QSER1: variants seen among roughly 807,000 people sequenced by gnomAD.
QSER1 encodes glutamine and serine-rich protein 1.
A neutral mutation model predicts 158.5 loss-of-function variants in QSER1; 49 were observed. The ratio of observed to expected loss-of-function variants is 0.31; its 90% CI spans 0.25 to 0.39. The LOEUF (loss-of-function observed/expected upper bound fraction) is 0.39. Ranked by LOEUF, QSER1 falls within the 10% of genes least tolerant of loss-of-function variation. The pLI is 1.00. For missense variants in QSER1, 1,754 were observed against 2,010.3 expected, an observed-to-expected ratio of 0.87 and a Z score of 2.44; for synonymous variants, 650 against 715.5, an observed-to-expected ratio of 0.91 and a Z score of 1.46.
At position 32,906,900 on chromosome 11, in the gene QSER1, C is replaced by G. The variant is rs923654413; in HGVS notation, c.209+13566C>G. Among the ~76,000 whole-genome samples the G allele has an allele frequency of 3.9e-5, 6 of 152,144 alleles. No homozygotes were observed. In the East Asian group the frequency reaches 9.6e-4, roughly 24 times the overall value. Reference sequence around the variant, plus strand: ...AAAGCAAATTTCAGGCTATGTATCTCTTTCAACCATAGTATGAAAGAGAAC... The same window carrying G: ...AAAGCAAATTTCAGGCTATGTATCTGTTTCAACCATAGTATGAAAGAGAAC... On this transcript the variant is annotated intron_variant, in intron 1 of 12. Coordinates refer to ENST00000650167, the MANE Select transcript of QSER1 (RefSeq NM_001076786.3).
In QSER1 at chr11:32,933,317, T is replaced by G; in HGVS notation, c.2059T>G (p.Ser687Ala). 1 of 1,610,766 alleles carries G rather than the reference T, an allele frequency of 6.2e-7. No homozygotes were observed. The highest frequency in any genetic ancestry group is 8.5e-7 in the Non-Finnish European group (1 of 1,178,920). ...GCTTGACTCAGATGTGTATCCATCT[T>G]CAAAGCAAGAAGATGGTTTTCCAAT... The part of the protein sequence containing the change: ...RKLDSDVYPS[S>A]KQEDGFPMQE... Residue 687 changes from serine to alanine, a missense_variant, in exon 4 of 13, where the codon TCA (serine) becomes GCA (alanine). Coordinates refer to ENST00000650167, the MANE Select transcript of QSER1 (RefSeq NM_001076786.3).
At chr11:32,939,144 T>C (rs1031829137) in intron 4 of QSER1, among the ~76,000 whole-genome samples, 4 of 152,220 alleles carry the variant, frequency 2.6e-5, no homozygotes, top group African/African-American at 9.6e-5. Flanking sequence ...GTTAGAGCTA[T>C]ATAGTCTAGT....
intron 1 of QSER1, among the ~76,000 whole-genome samples, chr11:32,924,309 A>T (rs1431880272): frequency 6.6e-6 from 1 of 152,066 alleles, no homozygotes; most frequent in Admixed American, 6.6e-5. Flanking sequence ...CACACCTGTA[A>T]TCCTAGCACT....
intron 1 of QSER1, among the ~76,000 whole-genome samples, chr11:32,901,321 A>G (rs1297548394): frequency 1.3e-5 from 2 of 152,250 alleles, no homozygotes; most frequent in African/African-American, 4.8e-5. Flanking sequence ...GCCATTAAAC[A>G]TTCAATGAAT....
chr11:32,918,110 T>C (rs1851858528), intron 1 of QSER1, among the ~76,000 whole-genome samples: 1 of 152,112 alleles, frequency 6.6e-6, no homozygotes, highest in Non-Finnish European at 1.5e-5. Context: ...TCAGTAGAAG[T>C]TTGAGAGATT....
Position 32,932,364 on chromosome 11 carries a change from A to G in QSER1, c.1106A>G (p.Asp369Gly). The change falls in exon 4 of 13, where the codon GAT (aspartate) becomes GGT (glycine). Residue 369 changes from aspartate to glycine, a missense_variant. Physicochemically the swap from Asp to Gly is moderately conservative, Grantham distance 94 (BLOSUM62 -1). Around this residue, in one of 2 missense-constraint regions of QSER1, gnomAD observed 1,707 missense variants for 1,919.6 expected, o/e 0.89. Transcript: ENST00000650167. ...TCTTTATCCTGTAGCCCAATTGGAG[A>G]TTCCACTCAGGTGAGCAACGGAGGA... ...QSSLSCSPIG[D>G]STQVSNGGLQ... The G allele has an allele frequency of 6.2e-7, 1 of 1,612,406 alleles. No individual in the cohort carries two copies. Among genetic ancestry groups the G allele is most frequent in the Non-Finnish European group, 8.5e-7 (1 of 1,180,008 alleles).
chr11:32,965,180 C>G (rs1246655360), intron 8 of QSER1, among the ~76,000 whole-genome samples: 1 of 152,104 alleles, frequency 6.6e-6, no homozygotes, highest in African/African-American at 2.4e-5. Context: ...GGCGCAGTCA[C>G]AGTTCTCTGC....
intron 1 of QSER1, among the ~76,000 whole-genome samples, chr11:32,903,679 T>C (rs886471393): frequency 6.6e-6 from 1 of 152,076 alleles, no homozygotes; most frequent in Admixed American, 6.6e-5. Context: ...CGATCTCAGC[T>C]TGCTGCAACT....
At position 32,934,429 on chromosome 11, in the gene QSER1, G is replaced by T; in HGVS notation, c.3171G>T (p.Val1057=). 1 of 1,613,862 alleles carries T rather than the reference G, an allele frequency of 6.2e-7. No individual in the cohort carries two copies. The highest frequency in any genetic ancestry group is 1.3e-5 in the African/African-American group (1 of 75,046). ...CCTTAAATGGAAATCAGGTTACTGT[G>T]AACCTTTCACCAGTACCTGCCCTTC... The part of the protein sequence containing the change: ...DTSLNGNQVT[V]NLSPVPALQS... Residue 1057 remains valine (V), a synonymous_variant, in exon 4 of 13, where the codon GTG becomes GTT. Coordinates refer to ENST00000650167, the MANE Select transcript of QSER1 (RefSeq NM_001076786.3).
At chr11:32,944,808 G>A (rs1446167169) in intron 4 of QSER1, among the ~76,000 whole-genome samples, 8 of 142,816 alleles carry the variant, frequency 5.6e-5, no homozygotes, top group South Asian at 4.9e-4. Flanking sequence ...TTTCTGTCTC[G>A]TTGATCTGTC....
chr11:32,947,873 A>G (rs1038917360), intron 4 of QSER1, among the ~76,000 whole-genome samples: 5 of 152,082 alleles, frequency 3.3e-5, no homozygotes, highest in Non-Finnish European at 7.4e-5. Context: ...CCACTTAATG[A>G]TTTCTGTTTT....
At chr11:32,941,996 T>C (rs1324809397) in intron 4 of QSER1, among the ~76,000 whole-genome samples, 4 of 151,652 alleles carry the variant, frequency 2.6e-5, no homozygotes, top group Non-Finnish European at 5.9e-5. Flanking sequence ...TGGTGAGCAT[T>C]TTTTCATGTG....
chr11:32,967,153 AAG>A (rs1852764367), intron 9 of QSER1, among the ~76,000 whole-genome samples: 1 of 152,246 alleles, frequency 6.6e-6, no homozygotes, highest in African/African-American at 2.4e-5. Flanking sequence ...AGCCATAAAA[AAG>A]AGCAAAATAA....
chr11:32,903,117 T>C (rs1851646138), intron 1 of QSER1, among the ~76,000 whole-genome samples: 1 of 152,230 alleles, frequency 6.6e-6, no homozygotes, highest in Admixed American at 6.5e-5. Context: ...TTAACATTTA[T>C]GCTGGGAGGT....
intron 8 of QSER1, among the ~76,000 whole-genome samples, chr11:32,965,944 A>AACACACAC (rs5790910): frequency 0.14 from 16,756 of 123,396 alleles, 1,389 homozygotes; most frequent in African/African-American, 0.16. Context: ...TCTGTCTCAA[A>AACACACAC]ACACACACAC....
At chr11:32,919,150 G>A (rs1036646378) in intron 1 of QSER1, among the ~76,000 whole-genome samples, 1 of 151,956 alleles carries the variant, frequency 6.6e-6, no homozygotes, top group Admixed American at 6.6e-5. Context: ...TGTTGTTTTT[G>A]TTGTTGCGGT....
At chr11:32,947,536 G>A (rs1590174891) in intron 4 of QSER1, among the ~76,000 whole-genome samples, 1 of 152,142 alleles carries the variant, frequency 6.6e-6, no homozygotes, top group African/African-American at 2.4e-5. Flanking sequence ...AAATAGCCCA[G>A]CAAATATAAA....
chr11:32,918,407 T>C, intron 1 of QSER1, among the ~76,000 whole-genome samples: 1 of 151,836 alleles, frequency 6.6e-6, no homozygotes, highest in Non-Finnish European at 1.5e-5. Context: ...ATGTTGTTTT[T>C]TATGGGGTGG....
At chr11:32,966,173 A>C in intron 8 of QSER1, 127 bp from the exon 9 acceptor site, 1 of 997,710 alleles carries the variant, frequency 1.0e-6, no homozygotes, top group Admixed American at 2.4e-5. Flanking sequence ...TTTAAAGGTA[A>C]GGTGAGAAAG....
Sources: allele counts gnomAD v4.1 joint callset (sites outside exome capture counted in the v4.1 genomes callset), GRCh38; gene constraint gnomAD v4.1.1; regional missense constraint gnomAD v4.1.1; transcripts MANE v1.5; gene names NCBI Gene and HGNC (gene_info 2026-07-23, HGNC 2026-07-21).